FAM83B: variants seen among roughly 807,000 people sequenced by gnomAD.
FAM83B encodes scaffolding CK1 anchoring protein B, also known as protein FAM83B.
Under a neutral mutation model 38.8 loss-of-function variants are expected in FAM83B, and 26 were observed. The ratio of observed to expected loss-of-function variants is 0.67; its 90% CI spans 0.49 to 0.93. The LOEUF (loss-of-function observed/expected upper bound fraction) is 0.93. Ranked by LOEUF, FAM83B falls within the 40% of genes least tolerant of loss-of-function variation. The pLI is 0.00. For missense variants in FAM83B, 1,237 were observed against 1,197.3 expected (o/e 1.03, Z -0.49); for synonymous variants, 419 against 423.1 (o/e 0.99, Z 0.12).
At chr6:54,868,425 G>A (rs1771768576) in intron 1 of FAM83B, among the ~76,000 whole-genome samples, 1 of 152,012 alleles carries the variant, frequency 6.6e-6, no homozygotes. Flanking sequence ...ATGTGATTGG[G>A]AAAAAGATGA....
intron 2 of FAM83B, among the ~76,000 whole-genome samples, chr6:54,909,276 G>T (rs1772849879): frequency 1.3e-5 from 2 of 152,078 alleles, no homozygotes; most frequent in Admixed American, 6.6e-5. Flanking sequence ...ATATTACCTA[G>T]AACCAGAAGA....
chr6:54,879,152 CA>C (rs1360124825), intron 2 of FAM83B, among the ~76,000 whole-genome samples: 7 of 152,130 alleles, frequency 4.6e-5, no homozygotes, highest in African/African-American at 1.7e-4. Flanking sequence ...TCCGTAACCC[CA>C]GTCACTGACA....
intron 2 of FAM83B, among the ~76,000 whole-genome samples, chr6:54,871,134 T>C (rs1372822176): frequency 6.6e-6 from 1 of 152,198 alleles, no homozygotes; most frequent in East Asian, 1.9e-4. Flanking sequence ...AAACCATATG[T>C]TTACTTATCT....
At chr6:54,861,723 C>T (rs1643568002) in intron 1 of FAM83B, among the ~76,000 whole-genome samples, 2 of 152,012 alleles carry the variant, frequency 1.3e-5, no homozygotes, top group South Asian at 4.1e-4. Flanking sequence ...CAGAAAGGTC[C>T]AGCTGCTTGT....
intron 2 of FAM83B, among the ~76,000 whole-genome samples, chr6:54,903,090 A>T (rs553426593): frequency 1.3e-5 from 2 of 152,154 alleles, no homozygotes; most frequent in East Asian, 3.8e-4. Context: ...GTTTCTATGG[A>T]TATATTTCTC....
chr6:54,853,918 A>G (rs542996252), intron 1 of FAM83B, among the ~76,000 whole-genome samples: 2 of 152,370 alleles, frequency 1.3e-5, no homozygotes, highest in South Asian at 4.1e-4. Flanking sequence ...CATTAAGAAC[A>G]TTTGTGATCC....
intron 1 of FAM83B, among the ~76,000 whole-genome samples, chr6:54,866,620 A>AT (rs762212301): frequency 1.7e-4 from 26 of 152,058 alleles, no homozygotes; most frequent in Non-Finnish European, 2.9e-4. Context: ...TAGGCCATTT[A>AT]TTTTACTGCC....
In FAM83B at chr6:54,939,689, T is replaced by C. The variant is rs769338727; in HGVS notation, c.735-17T>C. Reference sequence around the variant, plus strand: ...CAATCTTTTAAATGATTAAAATTTTTCCATTTTTTTCCCCAGTTATATGTG... The same window carrying C: ...CAATCTTTTAAATGATTAAAATTTTCCCATTTTTTTCCCCAGTTATATGTG... On this transcript the variant is annotated splice_polypyrimidine_tract_variant and intron_variant, in intron 4 of 4. Coordinates refer to ENST00000306858, the MANE Select transcript of FAM83B (RefSeq NM_001010872.3). 19 of 1,543,036 alleles carry C rather than the reference T, an allele frequency of 1.2e-5. No homozygotes were observed. The highest frequency in any genetic ancestry group is 1.6e-5 in the Non-Finnish European group (18 of 1,149,458).
At chr6:54,892,402 C>G (rs1194043795) in intron 2 of FAM83B, among the ~76,000 whole-genome samples, 1 of 151,914 alleles carries the variant, frequency 6.6e-6, no homozygotes, top group Non-Finnish European at 1.5e-5. Context: ...AGTTATTTTT[C>G]CTGATCCTCT....
rs1050561331 is a variant in FAM83B at position 54,894,355 on chromosome 6, G to C, written c.444+23665G>C. Among the ~76,000 whole-genome samples the C allele has an allele frequency of 8.1e-4, 123 of 152,076 alleles. 1 individual carries two copies. Among genetic ancestry groups the C allele is most frequent in the African/African-American group, 2.9e-3 (121 of 41,472 alleles). On this transcript the variant is annotated intron_variant, in intron 2 of 4. Coordinates refer to ENST00000306858, the MANE Select transcript of FAM83B (RefSeq NM_001010872.3). ...CAGAATTTGGTAAGATGGTACATTG[G>C]TCTATGTGGATTCTGATGAATCTCT... is the stretch of plus-strand genomic sequence containing the variant.
chr6:54,885,604 T>G lies in FAM83B; in HGVS notation c.444+14914T>G, dbSNP rs139340775. On this transcript the variant is annotated intron_variant, in intron 2 of 4. Transcript: ENST00000306858. ...TTCCAACCCATATAACTTTCAAATC[T>G]TTTGACTGCCGTAATACCTTGGGTA... Among the ~76,000 whole-genome samples the G allele has an allele frequency of 6.6e-5, 10 of 152,280 alleles. No homozygotes were observed. The East Asian group carries it at 1.9e-3, about 29-fold the overall frequency.
At position 54,866,734 on chromosome 6, in the gene FAM83B, A is replaced by C. The variant is rs55764645; in HGVS notation, c.-60-3453A>C. 9.1e-3 allele frequency among the ~76,000 whole-genome samples: 1,389 copies of C among 152,198 alleles called. 12 individuals carry two copies. The highest frequency in any genetic ancestry group is 0.027 in the South Asian group (130 of 4,826). On this transcript the variant is annotated intron_variant, in intron 1 of 4. Transcript: ENST00000306858. ...GGCTATTATGAATAGAGCTGCTATA[A>C]ATATTTGTGTACAGGATAAGTTTCA...
chr6:54,902,218 G>T (rs973549336), intron 2 of FAM83B, among the ~76,000 whole-genome samples: 1 of 152,104 alleles, frequency 6.6e-6, no homozygotes, highest in African/African-American at 2.4e-5. Flanking sequence ...TTTCAGAGGT[G>T]TTTGCAAATT....
At chr6:54,887,194 A>G (rs1486831261) in intron 2 of FAM83B, among the ~76,000 whole-genome samples, 1 of 152,196 alleles carries the variant, frequency 6.6e-6, no homozygotes, top group African/African-American at 2.4e-5. Flanking sequence ...GAACTTCATG[A>G]GTCCATTTGT....
chr6:54,888,834 C>T (rs111986300), intron 2 of FAM83B, among the ~76,000 whole-genome samples: 2 of 151,932 alleles, frequency 1.3e-5, no homozygotes, highest in African/African-American at 4.8e-5. Flanking sequence ...TCAAATATTG[C>T]TTCTACCTTC....
intron 3 of FAM83B, among the ~76,000 whole-genome samples, chr6:54,927,272 G>C (rs1773315186): frequency 6.6e-6 from 1 of 152,100 alleles, no homozygotes. Context: ...GTGAGAGGCT[G>C]AGTGATCTTT....
chr6:54,869,453 C>T (rs1036214644), intron 1 of FAM83B, among the ~76,000 whole-genome samples: 3 of 152,128 alleles, frequency 2.0e-5, no homozygotes, highest in African/African-American at 7.2e-5. Context: ...TTAAAAGGAA[C>T]CTGTTTTCCA....
intron 2 of FAM83B, among the ~76,000 whole-genome samples, chr6:54,920,316 T>C (rs1298175524): frequency 6.6e-6 from 1 of 151,772 alleles, no homozygotes; most frequent in South Asian, 2.1e-4. Context: ...TATAATGTTA[T>C]TGTAGAGCTC....
intron 1 of FAM83B, among the ~76,000 whole-genome samples, chr6:54,856,480 G>C (rs1771449652): frequency 6.6e-6 from 1 of 152,180 alleles, no homozygotes; most frequent in Admixed American, 6.5e-5. Flanking sequence ...ATTGTAGAGA[G>C]AGAAAGCTGA....
Sources: allele counts gnomAD v4.1 joint callset (sites outside exome capture counted in the v4.1 genomes callset), GRCh38; gene constraint gnomAD v4.1.1; transcripts MANE v1.5; gene names NCBI Gene and HGNC (gene_info 2026-07-23, HGNC 2026-07-21).